PIK3R5: variants seen among roughly 807,000 people sequenced by gnomAD.
The protein encoded by PIK3R5 is phosphoinositide 3-kinase regulatory subunit 5.
PIK3R5 carries 32 observed loss-of-function variants against 94.9 expected under a neutral mutation model. The ratio of observed to expected loss-of-function variants is 0.34; its 90% CI spans 0.25 to 0.45. The LOEUF (loss-of-function observed/expected upper bound fraction) is 0.45. Ranked by LOEUF, PIK3R5 falls within the 20% of genes least tolerant of loss-of-function variation. The pLI is 1.00. For missense variants in PIK3R5, 853 were observed against 1,144.6 expected (o/e 0.75, Z 3.68); for synonymous variants, 443 against 479.4 (o/e 0.92, Z 0.99).
rs2089964607 is a variant in PIK3R5 at position 8,889,310 on chromosome 17, C to G, written c.812-88G>C. On this transcript the variant is annotated intron_variant, in intron 8 of 18. Coordinates refer to ENST00000447110, the MANE Select transcript of PIK3R5 (RefSeq NM_001142633.3). The surrounding 1 kb of genome is among the most constrained non-coding windows in gnomAD (Gnocchi z 4.1). The stretch of plus-strand genomic sequence containing the variant: ...AGTCCCCTTGCCTTGGAGAAGAGAC[C>G]AGAGATGGGACAGGATCGGCACAAG... The G allele has an allele frequency of 1.5e-5, 14 of 933,200 alleles. No homozygotes were observed. In the South Asian group the frequency reaches 2.1e-4, roughly 14 times the overall value. The allele number at this position is 933,200 out of a possible 1,614,324, so 57.8% of individuals were successfully genotyped here.
In PIK3R5 at chr17:8,884,736, G is replaced by A; in HGVS notation, c.2176C>T (p.Pro726Ser). The A allele has an allele frequency of 6.2e-7, 1 of 1,613,322 alleles. No individual in the cohort carries two copies. The highest frequency in any genetic ancestry group is 8.5e-7 in the Non-Finnish European group (1 of 1,179,544). ...LGIDGDREAVPLTLQIIYSKG... is the reference protein window; with the variant it reads ...LGIDGDREAVSLTLQIIYSKG... ...CTGTAAATAATCTGTAGTGTTAGAG[G>A]AACAGCCTCCCGGTCGCCATCGATG... is the stretch of plus-strand genomic sequence containing the variant. The change falls in exon 15 of 19, where the codon CCT becomes TCT. Residue 726 changes from proline (P) to serine (S), a missense_variant. Transcript: ENST00000447110. The surrounding 1 kb of genome is among the most constrained non-coding windows in gnomAD (Gnocchi z 5.8).
intron 1 of PIK3R5, among the ~76,000 whole-genome samples, chr17:8,932,692 T>C (rs1280937400): frequency 1.3e-5 from 2 of 152,104 alleles, no homozygotes; most frequent in Non-Finnish European, 2.9e-5. Flanking sequence ...AACTAAAATA[T>C]AGAAAATAAA....
At position 8,905,695 on chromosome 17, in the gene PIK3R5, G is replaced by C. The variant is rs933852154; in HGVS notation, c.247C>G (p.Leu83Val). Reference protein sequence around the residue: ...GTYDLLTPLALLFYSTVLCTP... With the variant: ...GTYDLLTPLAVLFYSTVLCTP... Reference sequence around the variant, plus strand: ...CAAAGAACAGTGGAATAGAAGAGCAGGGCCAGCGGGGTGAGCAGGTCGTAG... The same window carrying C: ...CAAAGAACAGTGGAATAGAAGAGCACGGCCAGCGGGGTGAGCAGGTCGTAG... Residue 83 changes from leucine (L) to valine (V), a missense_variant, in exon 4 of 19, where the codon CTG becomes GTG. This residue lies in a region of PIK3R5 where 108 missense variants were observed against 170.1 expected (regional missense o/e 0.63). Transcript: ENST00000447110. 6.2e-7 allele frequency: 1 copy of C among 1,607,050 alleles called. No homozygotes were observed. Among genetic ancestry groups the C allele is most frequent in the Non-Finnish European group, 8.5e-7 (1 of 1,176,876 alleles).
intron 3 of PIK3R5, among the ~76,000 whole-genome samples, chr17:8,906,797 C>CA (rs945867294): frequency 6.0e-5 from 9 of 148,932 alleles, no homozygotes; most frequent in African/African-American, 1.7e-4. Flanking sequence ...ACTCTGTCTC[C>CA]AAAAAAAAAG....
chr17:8,957,138 G>A (rs765730893), intron 1 of PIK3R5, among the ~76,000 whole-genome samples: 10 of 152,154 alleles, frequency 6.6e-5, no homozygotes, highest in African/African-American at 1.2e-4. Context: ...GTCAGACATG[G>A]CCACCATGAT....
At chr17:8,885,369 C>T (rs1373013473) in intron 14 of PIK3R5, among the ~76,000 whole-genome samples, 1 of 150,286 alleles carries the variant, frequency 6.7e-6, no homozygotes, top group African/African-American at 2.5e-5. Context: ...TCCCATGGCC[C>T]TGCCTCCCGG....
chr17:8,937,737 T>C (rs912110838), intron 1 of PIK3R5, among the ~76,000 whole-genome samples: 7 of 152,250 alleles, frequency 4.6e-5, no homozygotes, highest in Middle Eastern at 3.2e-3. Context: ...TAGGTAATGC[T>C]GGCCTCATAG....
intron 1 of PIK3R5, among the ~76,000 whole-genome samples, chr17:8,924,245 ATTT>A (rs111503577): frequency 2.2e-5 from 3 of 138,150 alleles, no homozygotes; most frequent in African/African-American, 2.7e-5. Flanking sequence ...TGCCTGGCTA[ATTT>A]TTTTTTTTTT....
At chr17:8,902,249 ATTTTTTTT>A (rs397960477) in intron 5 of PIK3R5, among the ~76,000 whole-genome samples, 3 of 77,194 alleles carry the variant, frequency 3.9e-5, no homozygotes, top group South Asian at 4.8e-4. Context: ...TGATATATTA[ATTTTTTTT>A]TTTTTTTTTT....
At chr17:8,952,522 A>G (rs894785706) in intron 1 of PIK3R5, among the ~76,000 whole-genome samples, 1 of 152,066 alleles carries the variant, frequency 6.6e-6, no homozygotes, top group Non-Finnish European at 1.5e-5. Context: ...TGTGTGTCCT[A>G]CTCTAGGGAG....
intron 1 of PIK3R5, among the ~76,000 whole-genome samples, chr17:8,951,306 A>G (rs2091371211): frequency 6.6e-6 from 1 of 152,202 alleles, no homozygotes; most frequent in Admixed American, 6.5e-5. Context: ...AGTGACATTA[A>G]GTACATTCAC....
At chr17:8,917,275 G>A (rs543773164) in intron 1 of PIK3R5, among the ~76,000 whole-genome samples, 1 of 152,244 alleles carries the variant, frequency 6.6e-6, no homozygotes, top group Admixed American at 6.5e-5. Context: ...TAGCTTTAAC[G>A]CTTAGAACCA....
chr17:8,889,185 G>A lies in PIK3R5; in HGVS notation c.849C>T (p.Ile283=). 1 of 1,614,050 alleles carries A rather than the reference G, an allele frequency of 6.2e-7. No individual in the cohort carries two copies. The highest frequency in any genetic ancestry group is 1.1e-5 in the South Asian group (1 of 91,082). The change falls in exon 9 of 19, where the codon ATC becomes ATT. Residue 283 remains isoleucine, a synonymous_variant. Coordinates refer to ENST00000447110, the MANE Select transcript of PIK3R5 (RefSeq NM_001142633.3). The surrounding 1 kb of genome is among the most constrained non-coding windows in gnomAD (Gnocchi z 4.1). ...AKPGKLHTIP[I]PVARCYTYSW... ...TGTAGGTGTAGCACCTGGCGACAGG[G>A]ATGGGGATGGTGTGGAGCTTCCCTG...
At chr17:8,951,337 A>G (rs2091371848) in intron 1 of PIK3R5, among the ~76,000 whole-genome samples, 1 of 152,150 alleles carries the variant, frequency 6.6e-6, no homozygotes, top group African/African-American at 2.4e-5. Context: ...AACCATCCCC[A>G]CCATCCATTC....
chr17:8,959,456 T>C (rs900483454), intron 1 of PIK3R5, among the ~76,000 whole-genome samples: 3 of 152,216 alleles, frequency 2.0e-5, no homozygotes, highest in African/African-American at 4.8e-5. Context: ...TGCATTCACA[T>C]GTACATGTGT....
chr17:8,918,768 A>C (rs2090675532), intron 1 of PIK3R5, among the ~76,000 whole-genome samples: 1 of 152,230 alleles, frequency 6.6e-6, no homozygotes, highest in Non-Finnish European at 1.5e-5. Flanking sequence ...TTCTCAGTGG[A>C]GGAACCCAGC....
rs1481454126 is a variant in PIK3R5 at position 8,896,785 on chromosome 17, TG to T, written c.413-3131del. 6.6e-6 allele frequency among the ~76,000 whole-genome samples: 1 copy of T among 152,144 alleles called. No homozygotes were observed. The highest frequency in any genetic ancestry group is 1.5e-5 in the Non-Finnish European group (1 of 68,018). ...AGACAGGTCCATGCTGAGGGTGATGTGGGTACTTGAGCCTGGGGGAGGCAGG... is the reference window on the plus strand; with the variant it reads ...AGACAGGTCCATGCTGAGGGTGATGTGGTACTTGAGCCTGGGGGAGGCAGG... On this transcript the variant is annotated intron_variant, in intron 5 of 18. Coordinates refer to ENST00000447110, the MANE Select transcript of PIK3R5 (RefSeq NM_001142633.3). This position sits in a 1 kb window ranked among gnomAD's most constrained non-coding sequence, Gnocchi z 4.0.
chr17:8,908,354 G>A (rs2090438478), intron 3 of PIK3R5, among the ~76,000 whole-genome samples: 2 of 152,178 alleles, frequency 1.3e-5, no homozygotes, highest in East Asian at 1.9e-4. Flanking sequence ...GGGTTTATAT[G>A]TTATGCGCTC....
At position 8,903,932 on chromosome 17, in the gene PIK3R5, C is replaced by G. The variant is rs538505672; in HGVS notation, c.412+845G>C. Among the ~76,000 whole-genome samples the G allele has an allele frequency of 7.9e-5, 12 of 152,326 alleles. No homozygotes were observed. In the South Asian group the frequency reaches 2.5e-3, roughly 32 times the overall value. On this transcript the variant is annotated intron_variant, in intron 5 of 18. Coordinates refer to ENST00000447110, the MANE Select transcript of PIK3R5 (RefSeq NM_001142633.3). ...TTTGTCTTTTTGCATAGGCAAATAC[C>G]TATAAGCCAAAAGAGGAAGATTATT... is the stretch of plus-strand genomic sequence containing the variant.
Sources: allele counts gnomAD v4.1 joint callset (sites outside exome capture counted in the v4.1 genomes callset), GRCh38; gene constraint gnomAD v4.1.1; regional missense constraint gnomAD v4.1.1; non-coding constraint Gnocchi (gnomAD v3.1); transcripts MANE v1.5; gene names NCBI Gene and HGNC (gene_info 2026-07-23, HGNC 2026-07-21).